The following LAMB4 variants were observed in gnomAD, a reference collection of about 807,000 sequenced individuals.
LAMB4 encodes the protein laminin subunit beta 4, also known as laminin subunit beta-4.
Under a neutral mutation model 199.2 loss-of-function variants are expected in LAMB4, and 196 were observed. That is an observed-to-expected ratio of 0.98 (90% CI 0.88 to 1.11). The LOEUF (loss-of-function observed/expected upper bound fraction) is 1.11. Among genes scored for constraint, LAMB4 ranks in the 50% least tolerant of loss-of-function variants. The pLI, the probability that LAMB4 is intolerant of heterozygous loss-of-function variation, is 0.00. For missense variants in LAMB4, 2,080 were observed against 2,171.2 expected (o/e 0.96, Z 0.83); for synonymous variants, 744 against 770.6 (o/e 0.97, Z 0.57).
rs778396231 is a variant in LAMB4, at chr7:108,024,067, T to C, written c.5258A>G (p.Glu1753Gly). Residue 1753 changes from glutamate to glycine, a missense_variant, in exon 34 of 34, where the codon GAA becomes GGA. Physicochemically the swap from Glu to Gly is moderately conservative, Grantham distance 98 (BLOSUM62 -2). Transcript: ENST00000388781. Reference sequence around the variant, plus strand: ...GCTATAGCACCTAGCATATTTTTTTTCTTGTTCAACAATTTCATTTTTAAT... The same window carrying C: ...GCTATAGCACCTAGCATATTTTTTTCCTTGTTCAACAATTTCATTTTTAAT... ...VAIKNEIVEQ[E>G]KKYARCYS 6.2e-7 allele frequency: 1 copy of C among 1,608,440 alleles called. No individual in the cohort carries two copies. The highest frequency in any genetic ancestry group is 1.1e-5 in the South Asian group (1 of 89,758).
intron 7 of LAMB4, 40 bp downstream of exon 7, chr7:108,106,469 T>G (rs764940153): frequency 4.7e-5 from 57 of 1,224,302 alleles, no homozygotes; most frequent in Non-Finnish European, 6.1e-5. Context: ...AACATGAAAT[T>G]TTTTTAAAGC....
At chr7:108,042,937 C>CTGTGTGTGTGTGTGTGTGTGTGTGTG (rs754739499) in intron 29 of LAMB4, among the ~76,000 whole-genome samples, 3 of 140,392 alleles carry the variant, frequency 2.1e-5, no homozygotes, top group African/African-American at 8.2e-5. Context: ...CTCTCAATCT[C>CTGTGTGTGTGTGTGTGTGTGTGTGTG]TGTGTGTGTG....
intron 3 of LAMB4, among the ~76,000 whole-genome samples, chr7:108,115,347 G>A (rs559797087): frequency 5.4e-4 from 83 of 152,294 alleles, no homozygotes; most frequent in African/African-American, 1.9e-3. Context: ...ACCAAGGATT[G>A]AAAATATTTG....
intron 17 of LAMB4, among the ~76,000 whole-genome samples, chr7:108,074,247 G>A (rs1464965639): frequency 6.6e-6 from 1 of 152,108 alleles, no homozygotes; most frequent in Non-Finnish European, 1.5e-5. Flanking sequence ...GGCCTCTTCC[G>A]AGATTTCTGA....
intron 12 of LAMB4, among the ~76,000 whole-genome samples, chr7:108,092,634 G>A (rs758598951): frequency 1.3e-5 from 2 of 152,104 alleles, no homozygotes; most frequent in Non-Finnish European, 2.9e-5. Context: ...GGCTGGGTGC[G>A]GTGGCTCCTG....
At chr7:108,108,129 T>C (rs1334269687) in intron 5 of LAMB4, among the ~76,000 whole-genome samples, 1 of 152,116 alleles carries the variant, frequency 6.6e-6, no homozygotes, top group Non-Finnish European at 1.5e-5. Flanking sequence ...AGCCAGAGTT[T>C]TGCCATGTTG....
intron 14 of LAMB4, among the ~76,000 whole-genome samples, chr7:108,080,478 C>T (rs2036887950): frequency 6.6e-6 from 1 of 152,098 alleles, no homozygotes; most frequent in Non-Finnish European, 1.5e-5. Context: ...CTGCTCTCTT[C>T]TCTCTCTCTG....
intron 10 of LAMB4, among the ~76,000 whole-genome samples, chr7:108,099,260 G>T (rs1370921900): frequency 1.3e-5 from 2 of 152,142 alleles, no homozygotes; most frequent in Non-Finnish European, 2.9e-5. Context: ...CTGGAAAATG[G>T]GATAAACAGT....
chr7:108,012,302 T>C, the LAMB4 span, among the ~76,000 whole-genome samples: 3 of 152,180 alleles, frequency 2.0e-5, no homozygotes, highest in Non-Finnish European at 4.4e-5. Context: ...GAAGGAGGCA[T>C]AGCAAATGAT....
intron 12 of LAMB4, among the ~76,000 whole-genome samples, chr7:108,093,687 T>TA (rs933746278): frequency 3.9e-5 from 6 of 152,132 alleles, no homozygotes; most frequent in South Asian, 2.1e-4. Context: ...TATAAAATGC[T>TA]AAAAAAAATT....
intron 3 of LAMB4, 84 bp from the exon 4 acceptor site, chr7:108,112,030 A>C: frequency 9.1e-7 from 1 of 1,103,552 alleles, no homozygotes; most frequent in South Asian, 1.8e-5. Context: ...TGTACATACT[A>C]TATTTGTCTT....
chr7:108,114,951 T>G (rs777584890), intron 3 of LAMB4, among the ~76,000 whole-genome samples: 4 of 152,214 alleles, frequency 2.6e-5, no homozygotes, highest in Admixed American at 6.5e-5. Context: ...GAATTTATGA[T>G]TTTTAGACAG....
chr7:108,051,987 A>C lies in LAMB4; in HGVS notation c.3916+110T>G, dbSNP rs978905683. The C allele has an allele frequency of 4.0e-5, 31 of 768,562 alleles. No homozygotes were observed. In the African/African-American group the frequency reaches 5.4e-4, roughly 13 times the overall value. The allele number at this position is 768,562 out of a possible 1,614,324, so 47.6% of individuals were successfully genotyped here. A position where few individuals can be genotyped will look rare whatever the true frequency, so the allele number is the denominator to read the frequency against. ...TTTAATGGTTGTGTTTGCATGTTCT[A>C]AAGTGCTCAGGCACTATGGTGGTAA... On this transcript the variant is annotated intron_variant, in intron 26 of 33. Coordinates refer to ENST00000388781, the MANE Select transcript of LAMB4 (RefSeq NM_007356.3).
intron 30 of LAMB4, 118 bp from the exon 31 acceptor site, chr7:108,034,464 A>ATT (rs2035155792): frequency 2.6e-6 from 2 of 770,362 alleles, no homozygotes; most frequent in Non-Finnish European, 2.1e-6. Flanking sequence ...GTAAATTTAA[A>ATT]TTACTCTTAA....
intron 23 of LAMB4, among the ~76,000 whole-genome samples, chr7:108,058,558 G>A (rs995561307): frequency 2.6e-5 from 4 of 152,206 alleles, no homozygotes; most frequent in African/African-American, 9.6e-5. Context: ...CACTATTGTT[G>A]TAGTCCTAAA....
At position 108,106,003 on chromosome 7, in the gene LAMB4, T is replaced by C. The variant is rs2037995865; in HGVS notation, c.684A>G (p.Ile228Met). 1 of 1,613,896 alleles carries C rather than the reference T, an allele frequency of 6.2e-7. No homozygotes were observed. Residue 228 changes from isoleucine (I) to methionine (M), a missense_variant, in exon 8 of 34, where the codon ATA becomes ATG. Ile to Met is a conservative substitution (Grantham distance 10, BLOSUM62 1). Transcript: ENST00000388781. Reference protein sequence around the residue: ...QDLVTLTNLRINFTKLHTLGD... With the variant: ...QDLVTLTNLRMNFTKLHTLGD... ...CAAGGGTGTGGAGCTTGGTAAAGTT[T>C]ATCCTCAGGTTTGTCAATGTCACAA...
rs748765234 is a variant in LAMB4, at chr7:108,069,709, C to T, written c.2301G>A (p.Val767=). 2 of 1,613,012 alleles carry T rather than the reference C, an allele frequency of 1.2e-6. No individual in the cohort carries two copies. The highest frequency in any genetic ancestry group is 1.7e-6 in the Non-Finnish European group (2 of 1,179,264). Residue 767 remains valine, a splice_region_variant and synonymous_variant, in exon 18 of 34, where the codon GTG becomes GTA. Transcript: ENST00000388781. ...AGAGCCCATTAAACAGATACTTACC[C>T]ACAGCCCCATCATGCAGCTTGGCAG... is the stretch of plus-strand genomic sequence containing the variant. The part of the protein sequence containing the change: ...SMSAKLHDGA[V]ACKCHPQGSV...
chr7:108,076,277 G>T (rs1396090726), intron 17 of LAMB4, among the ~76,000 whole-genome samples: 3 of 152,124 alleles, frequency 2.0e-5, no homozygotes, highest in Admixed American at 6.5e-5. Context: ...ACAAGCCTGG[G>T]TCTGAAGGGC....
chr7:108,091,862 G>C, intron 13 of LAMB4, 86 bp from the exon 14 acceptor site: 6 of 1,311,032 alleles, frequency 4.6e-6, no homozygotes, highest in Non-Finnish European at 6.4e-6. Context: ...AATGCTCCCT[G>C]AGTTTGGAGC....
Sources: allele counts gnomAD v4.1 joint callset (sites outside exome capture counted in the v4.1 genomes callset), GRCh38; gene constraint gnomAD v4.1.1; transcripts MANE v1.5; gene names NCBI Gene and HGNC (gene_info 2026-07-23, HGNC 2026-07-21).